CEP72: variants seen among roughly 807,000 people sequenced by gnomAD.
CEP72 encodes the protein centrosomal protein of 72 kDa.
Under a neutral mutation model 65.7 loss-of-function variants are expected in CEP72, and 78 were observed. The ratio of observed to expected loss-of-function variants is 1.19; its 90% CI spans 0.99 to 1.43. CEP72 has a LOEUF of 1.43. CEP72 is among the 40% of genes most tolerant of loss of function. The probability of loss-of-function intolerance (pLI) is 0.00; values close to 1 mark genes in which losing one functional copy is unlikely to be tolerated. For synonymous variants in CEP72, 358 were observed against 351.7 expected (o/e 1.02, Z -0.20); for missense variants, 914 against 832.9 (o/e 1.10, Z -1.20).
At chr5:664,917 G>T in intron 2 of CEP72, 1 of 638,198 alleles carries the variant, frequency 1.6e-6, no homozygotes, top group Non-Finnish European at 2.7e-6. Context: ...GGTTTGAGAG[G>T]GGAGTGCTGG....
Position 648,470 on chromosome 5 carries a change from GTGACTGTGAGGTA to G in CEP72, c.1778+567_1778+579del, listed in dbSNP as rs1382470872. Among the ~76,000 whole-genome samples the G allele has an allele frequency of 2.4e-3, 326 of 137,254 alleles. 3 individuals carry two copies. The highest frequency in any genetic ancestry group is 4.7e-3 in the East Asian group (21 of 4,438). The allele number at this position is 137,254 out of a possible 152,430, so 90.0% of individuals were successfully genotyped here. A position where few individuals can be genotyped will look rare whatever the true frequency, so the allele number is the denominator to read the frequency against. ...TGAGTGTGAGGTGTGACTGTGAGGT[GTGACTGTGAGGTA>G]TGACTGTGAGGTGTGACTGTGAGGT... On this transcript the variant is annotated intron_variant, in intron 11 of 11. Transcript: ENST00000264935.
chr5:637,272 G>A (rs761508711), intron 6 of CEP72, among the ~76,000 whole-genome samples: 11 of 152,220 alleles, frequency 7.2e-5, no homozygotes, highest in Non-Finnish European at 1.6e-4. Context: ...CAGAGTTTGC[G>A]TGTTAGCACG....
At chr5:639,619 G>A (rs567660251) in intron 8 of CEP72, among the ~76,000 whole-genome samples, 41 of 152,336 alleles carry the variant, frequency 2.7e-4, no homozygotes, top group African/African-American at 8.9e-4. Context: ...GGATTGCAGA[G>A]CTTTTGGTTG....
Position 645,857 on chromosome 5 carries a change from C to A in CEP72, c.1666+1432C>A, listed in dbSNP as rs1738380156. Among the ~76,000 whole-genome samples the A allele has an allele frequency of 6.6e-6, 1 of 152,246 alleles. No homozygotes were observed. The highest frequency in any genetic ancestry group is 1.5e-5 in the Non-Finnish European group (1 of 68,042). ...TGGTGGTTTGGTGATGTTCTTGTGA[C>A]TAGAAATTGCTGTGTGAGCGTCACT... is the stretch of plus-strand genomic sequence containing the variant. On this transcript the variant is annotated intron_variant, in intron 10 of 11. Coordinates refer to ENST00000264935, the MANE Select transcript of CEP72 (RefSeq NM_018140.4). This position sits in a 1 kb window ranked among gnomAD's most constrained non-coding sequence, Gnocchi z 4.0.
At chr5:614,819 ATGT>A (rs1293375746) in intron 1 of CEP72, among the ~76,000 whole-genome samples, 1 of 152,126 alleles carries the variant, frequency 6.6e-6, no homozygotes, top group African/African-American at 2.4e-5. Flanking sequence ...CATCTGGTCT[ATGT>A]TGTTGAATGT....
At chr5:676,576 A>T in the CEP72 span, 2 of 152,294 alleles carry the variant, frequency 1.3e-5, no homozygotes. Context: ...ACGCAGGTGC[A>T]AACCACCGAA....
At chr5:637,942 T>G in intron 7 of CEP72, 124 bp downstream of exon 7, 2 of 952,806 alleles carry the variant, frequency 2.1e-6, no homozygotes, top group East Asian at 2.7e-5. Flanking sequence ...GATGCAGGGC[T>G]GTTACGGCGG....
At position 644,349 on chromosome 5, in the gene CEP72, A is replaced by T; in HGVS notation, c.1590A>T (p.Leu530Phe). The change falls in exon 10 of 12, where the codon TTA becomes TTT. Residue 530 changes from leucine (L) to phenylalanine (F), a missense_variant. Coordinates refer to ENST00000264935, the MANE Select transcript of CEP72 (RefSeq NM_018140.4). The stretch of plus-strand genomic sequence containing the variant: ...AATCTTTGGAAGAGAACAGTAGGTT[A>T]AAATCGCTTTTGTTGAGTATGAAAA... ...LDKSLEENSR[L>F]KSLLLSMKKE... 1 of 1,613,902 alleles carries T rather than the reference A, an allele frequency of 6.2e-7. No individual in the cohort carries two copies. The highest frequency in any genetic ancestry group is 8.5e-7 in the Non-Finnish European group (1 of 1,179,910).
chr5:665,241 CCCGTGAACTTGGTGGTGT>C (rs779747405), exon 3 of CEP72: 1 of 1,613,816 alleles, frequency 6.2e-7, no homozygotes, highest in Non-Finnish European at 8.5e-7. Flanking sequence ...CTTGTGGGAG[CCCGTGAACTTGGTGGTGT>C]CCGTGAGCCT....
chr5:650,896 TG>T (rs534045663), intron 11 of CEP72, among the ~76,000 whole-genome samples: 2 of 74 alleles, frequency 0.027, 1 homozygote, highest in Non-Finnish European at 0.059. Context: ...CTGTGAGGCG[TG>T]GACTGTGAGG....
intron 1 of CEP72, among the ~76,000 whole-genome samples, chr5:613,493 G>A (rs946830156): frequency 2.6e-5 from 4 of 152,176 alleles, no homozygotes; most frequent in Middle Eastern, 3.2e-3. Flanking sequence ...AGCCTCCTGA[G>A]TAGCTGGGAT....
chr5:614,461 T>C (rs2126723363), intron 1 of CEP72, among the ~76,000 whole-genome samples: 1 of 149,158 alleles, frequency 6.7e-6, no homozygotes, highest in South Asian at 2.2e-4. Flanking sequence ...TTTTTTTTTT[T>C]TTTTTGAGGT....
Position 620,240 on chromosome 5 carries a change from C to T in CEP72, c.382C>T (p.Leu128Phe), listed in dbSNP as rs1252407375. ...CTACCGCCTTTTTGTTGTGCACCTG[C>T]TCCCCAAGCTCCAGCAGCTGGGTAG... ...PDYRLFVVHL[L>F]PKLQQLDDRP... Residue 128 changes from leucine (L) to phenylalanine (F), a missense_variant, in exon 3 of 12, where the codon CTC (leucine) becomes TTC (phenylalanine). Leu to Phe is a conservative substitution (Grantham distance 22, BLOSUM62 0). Transcript: ENST00000264935. The T allele has an allele frequency of 1.2e-6, 2 of 1,613,572 alleles. No individual in the cohort carries two copies. Among genetic ancestry groups the T allele is most frequent in the African/African-American group, 2.7e-5 (2 of 74,930 alleles).
At chr5:625,981 GT>G (rs1272255267) in intron 4 of CEP72, among the ~76,000 whole-genome samples, 1 of 149,768 alleles carries the variant, frequency 6.7e-6, no homozygotes, top group Non-Finnish European at 1.5e-5. Flanking sequence ...GTAAGTCGCT[GT>G]TTCCAAGAAA....
downstream of CEP72, among the ~76,000 whole-genome samples, chr5:669,507 G>A (rs775356572): frequency 6.6e-6 from 1 of 152,170 alleles, no homozygotes; most frequent in Non-Finnish European, 1.5e-5. Context: ...TCTGTCCTGG[G>A]CCGTCAAAGG....
At chr5:656,160 T>A (rs556593469), downstream of CEP72, among the ~76,000 whole-genome samples, 32 of 152,338 alleles carry the variant, frequency 2.1e-4, no homozygotes, top group African/African-American at 7.7e-4. Flanking sequence ...CAGTCCCGGC[T>A]GCTGAAGATT....
chr5:628,750 TGC>T (rs1561037456), intron 4 of CEP72, among the ~76,000 whole-genome samples: 2 of 92,266 alleles, frequency 2.2e-5, no homozygotes, highest in African/African-American at 7.8e-5. Context: ...GAACTCAGGT[TGC>T]AGTCCCCGGG....
downstream of CEP72, chr5:662,091 G>A (rs971100797): frequency 2.0e-5 from 3 of 152,406 alleles, no homozygotes; most frequent in Non-Finnish European, 2.9e-5. Flanking sequence ...TGCACGCCAC[G>A]ATTTTCTCTC....
At chr5:668,888 A>C (rs1048277935), downstream of CEP72, among the ~76,000 whole-genome samples, 43 of 152,192 alleles carry the variant, frequency 2.8e-4, no homozygotes, top group Non-Finnish European at 5.0e-4. Flanking sequence ...GGTGGGTGCC[A>C]AGTGGCCAGG....
Sources: gnomAD v4.1 joint callset for allele counts (sites outside exome capture counted in the v4.1 genomes callset) on GRCh38, gnomAD v4.1.1 for gene constraint, Gnocchi (gnomAD v3.1) non-coding constraint, MANE v1.5 for transcripts, NCBI Gene and HGNC (gene_info 2026-07-23, HGNC 2026-07-21) for gene names.